The following MRPL1 variants were observed in gnomAD, a reference collection of about 807,000 sequenced individuals.
MRPL1 encodes the protein large ribosomal subunit protein uL1m.
In MRPL1, 28 loss-of-function variants were observed where a neutral mutation model predicts 38.0. The observed-to-expected ratio is 0.74, with a 90% confidence interval of 0.55 to 1.01. MRPL1 has a LOEUF of 1.01. MRPL1 is among the 50% of genes least tolerant of loss of function. MRPL1 has a pLI of 0.00. For synonymous variants in MRPL1, 123 were observed against 126.7 expected, an observed-to-expected ratio of 0.97 and a Z score of 0.20; for missense variants, 358 against 389.8, an observed-to-expected ratio of 0.92 and a Z score of 0.69.
At chr4:77,951,398 AATGAATT>A (rs746594224) in intron 8 of MRPL1, among the ~76,000 whole-genome samples, 16 of 152,244 alleles carry the variant, frequency 1.1e-4, no homozygotes, top group Non-Finnish European at 1.9e-4. Flanking sequence ...GGAAGAGAGA[AATGAATT>A]ATTAGTGAGT....
At chr4:77,873,346 A>G (rs768491423) in intron 2 of MRPL1, among the ~76,000 whole-genome samples, 2 of 152,172 alleles carry the variant, frequency 1.3e-5, no homozygotes, top group Admixed American at 6.5e-5. Flanking sequence ...TTCAGCCTAA[A>G]TTTTCTGACT....
intron 8 of MRPL1, among the ~76,000 whole-genome samples, chr4:77,950,301 A>G (rs1291537818): frequency 6.6e-6 from 1 of 152,252 alleles, no homozygotes; most frequent in Non-Finnish European, 1.5e-5. Flanking sequence ...CAGGACAGAA[A>G]GAAGATCATT....
chr4:77,873,204 G>A (rs1228018158), intron 2 of MRPL1, among the ~76,000 whole-genome samples: 1 of 152,170 alleles, frequency 6.6e-6, no homozygotes, highest in Non-Finnish European at 1.5e-5. Flanking sequence ...GCATATGTTA[G>A]TTCTTTTAAA....
intron 6 of MRPL1, among the ~76,000 whole-genome samples, chr4:77,899,714 A>G (rs1279159455): frequency 6.6e-6 from 1 of 152,210 alleles, no homozygotes; most frequent in Non-Finnish European, 1.5e-5. Flanking sequence ...ACTTGATCGT[A>G]TAGTATAGGT....
Position 77,932,261 on chromosome 4 carries a change from A to G in MRPL1, c.778-17536A>G, listed in dbSNP as rs1302969338. On this transcript the variant is annotated intron_variant, in intron 7 of 8. Coordinates refer to ENST00000315567, the MANE Select transcript of MRPL1 (RefSeq NM_020236.4). Reference sequence around the variant, plus strand: ...TGGGATTTCTAACACATTTTAAACAATAGCAGAGATTTTTAAAGAGACTTA... The same window carrying G: ...TGGGATTTCTAACACATTTTAAACAGTAGCAGAGATTTTTAAAGAGACTTA... 2.0e-5 allele frequency among the ~76,000 whole-genome samples: 3 copies of G among 152,298 alleles called. No homozygotes were observed. In the East Asian group the frequency reaches 5.8e-4, roughly 29 times the overall value.
At chr4:77,871,279 T>A (rs1179788381) in intron 1 of MRPL1, among the ~76,000 whole-genome samples, 1 of 151,506 alleles carries the variant, frequency 6.6e-6, no homozygotes, top group Non-Finnish European at 1.5e-5. Context: ...CTGCTTTTAG[T>A]TTCAAGAACT....
intron 6 of MRPL1, 85 bp downstream of exon 6, chr4:77,894,335 T>G: frequency 1.2e-6 from 1 of 809,140 alleles, no homozygotes. Flanking sequence ...TGTTCATGTA[T>G]GCGTAGAATA....
chr4:77,890,873 A>G (rs892589905), intron 5 of MRPL1, among the ~76,000 whole-genome samples: 2 of 152,166 alleles, frequency 1.3e-5, no homozygotes, highest in Admixed American at 6.6e-5. Context: ...TAGACAGGAA[A>G]TAGTGATTTG....
intron 6 of MRPL1, among the ~76,000 whole-genome samples, chr4:77,898,066 G>T (rs936719384): frequency 6.6e-6 from 1 of 152,076 alleles, no homozygotes; most frequent in Non-Finnish European, 1.5e-5. Context: ...CAGGTCTTTG[G>T]ATTTACTGTT....
In MRPL1 at chr4:77,952,649, A is replaced by G; in HGVS notation, c.*42A>G. 1 of 1,237,172 alleles carries G rather than the reference A, an allele frequency of 8.1e-7. No individual in the cohort carries two copies. The highest frequency in any genetic ancestry group is 1.2e-6 in the Non-Finnish European group (1 of 848,712). The allele number at this position is 1,237,172 out of a possible 1,614,324, so 76.6% of individuals were successfully genotyped here. ...AATTACTTTCAGTGGTTTAAGAAGC[A>G]ATGGAGAAAATGATAATACAGCATA... is the stretch of plus-strand genomic sequence containing the variant. On this transcript the variant is annotated 3_prime_UTR_variant, in exon 9 of 9. Coordinates refer to ENST00000315567, the MANE Select transcript of MRPL1 (RefSeq NM_020236.4).
chr4:77,922,068 T>C (rs1353180908), intron 7 of MRPL1, among the ~76,000 whole-genome samples: 6 of 152,172 alleles, frequency 3.9e-5, no homozygotes, highest in African/African-American at 7.2e-5. Flanking sequence ...TAAAGGTAGA[T>C]ATCTGTTGAT....
At position 77,871,769 on chromosome 4, in the gene MRPL1, C is replaced by T. The variant is rs765072181; in HGVS notation, c.57C>T (p.Ser19=). 5.0e-6 allele frequency: 8 copies of T among 1,586,236 alleles called. No homozygotes were observed. The highest frequency in any genetic ancestry group is 6.8e-6 in the Non-Finnish European group (8 of 1,170,156). Reference sequence around the variant, plus strand: ...CCTTGATACATCATCAAAGGCATAGCCTTTCCAAGATGGTTTATCAGACAT... The same window carrying T: ...CCTTGATACATCATCAAAGGCATAGTCTTTCCAAGATGGTTTATCAGACAT... The part of the protein sequence containing the change: ...GRALIHHQRH[S]LSKMVYQTSL... The change falls in exon 2 of 9, where the codon AGC becomes AGT. Residue 19 remains serine, a synonymous_variant. Coordinates refer to ENST00000315567, the MANE Select transcript of MRPL1 (RefSeq NM_020236.4).
intron 7 of MRPL1, among the ~76,000 whole-genome samples, chr4:77,939,584 T>G (rs1737070344): frequency 6.6e-6 from 1 of 152,218 alleles, no homozygotes; most frequent in Non-Finnish European, 1.5e-5. Flanking sequence ...TTGCATTTGC[T>G]TTTGGGTTTT....
chr4:77,936,079 G>A (rs538333890), intron 7 of MRPL1, among the ~76,000 whole-genome samples: 4 of 151,948 alleles, frequency 2.6e-5, no homozygotes, highest in Admixed American at 6.6e-5. Context: ...ATACTGAATC[G>A]TCTAGGTAAG....
chr4:77,934,176 A>G (rs1427180402), intron 7 of MRPL1, among the ~76,000 whole-genome samples: 1 of 152,268 alleles, frequency 6.6e-6, no homozygotes, highest in African/African-American at 2.4e-5. Context: ...AAGCACAGAC[A>G]ACAAAAGAAG....
intron 6 of MRPL1, among the ~76,000 whole-genome samples, chr4:77,905,981 G>A (rs1487468651): frequency 6.6e-6 from 1 of 152,214 alleles, no homozygotes; most frequent in African/African-American, 2.4e-5. Flanking sequence ...AATCATGAGA[G>A]AGATTGGGGC....
At chr4:77,924,025 A>G (rs1431501502) in intron 7 of MRPL1, among the ~76,000 whole-genome samples, 1 of 151,606 alleles carries the variant, frequency 6.6e-6, no homozygotes, top group African/African-American at 2.4e-5. Context: ...TAGTTTAATG[A>G]TACTATACTT....
intron 8 of MRPL1, among the ~76,000 whole-genome samples, chr4:77,951,930 T>C (rs1359265763): frequency 6.6e-6 from 1 of 151,948 alleles, no homozygotes; most frequent in Non-Finnish European, 1.5e-5. Flanking sequence ...AATAAGGGAG[T>C]TGGAAGATGA....
chr4:77,915,604 G>A (rs1018809955), intron 7 of MRPL1, among the ~76,000 whole-genome samples: 5 of 152,018 alleles, frequency 3.3e-5, no homozygotes, highest in Admixed American at 6.6e-5. Context: ...TTGTAGAGAC[G>A]GGTTTTGCCA....
Sources: gnomAD v4.1 joint callset for allele counts (sites outside exome capture counted in the v4.1 genomes callset) on GRCh38, gnomAD v4.1.1 for gene constraint, MANE v1.5 for transcripts, NCBI Gene and HGNC (gene_info 2026-07-23, HGNC 2026-07-21) for gene names.